The following CHSY3 variants were observed in gnomAD, a reference collection of about 807,000 sequenced individuals.
CHSY3 encodes the protein N-acetylgalactosaminyl-proteoglycan 3-beta-glucuronosyltransferase 3.
CHSY3 carries 35 observed loss-of-function variants against 67.2 expected under a neutral mutation model. The ratio of observed to expected loss-of-function variants is 0.52; its 90% CI spans 0.40 to 0.69. The LOEUF (loss-of-function observed/expected upper bound fraction) is 0.69. Among genes scored for constraint, CHSY3 ranks in the 30% least tolerant of loss-of-function variants. CHSY3 has a pLI of 0.00. For synonymous variants in CHSY3, 474 were observed against 434.7 expected, an observed-to-expected ratio of 1.09 and a Z score of -1.12; for missense variants, 1,069 against 1,138.5, an observed-to-expected ratio of 0.94 and a Z score of 0.88.
intron 2 of CHSY3, among the ~76,000 whole-genome samples, chr5:130,162,040 CA>C (rs371228605): frequency 3.1e-5 from 2 of 65,082 alleles, no homozygotes; most frequent in Admixed American, 1.8e-4. Flanking sequence ...GACCCTGTCT[CA>C]AAAAAAAAAA....
At position 129,923,140 on chromosome 5, in the gene CHSY3, T is replaced by G. The variant is rs1458416091; in HGVS notation, c.1086+14780T>G. Among the ~76,000 whole-genome samples the G allele has an allele frequency of 3.3e-5, 5 of 152,252 alleles. No homozygotes were observed. In the East Asian group the frequency reaches 9.7e-4, roughly 29 times the overall value. On this transcript the variant is annotated intron_variant, in intron 2 of 2. Transcript: ENST00000305031. ...TGGAAATGGAAGTGAGGAGATGGAC[T>G]TAAGAGCTAAGGAGGAGAGAGAATT...
rs1217280692 is a variant in CHSY3 at position 130,027,011 on chromosome 5, G to C, written c.1086+118651G>C. Among the ~76,000 whole-genome samples, 35 of 152,026 alleles carry C rather than the reference G, an allele frequency of 2.3e-4. 1 individual carries two copies. Among genetic ancestry groups the C allele is most frequent in the Admixed American group, 2.3e-3 (35 of 15,228 alleles). On this transcript the variant is annotated intron_variant, in intron 2 of 2. Coordinates refer to ENST00000305031, the MANE Select transcript of CHSY3 (RefSeq NM_175856.5). ...CTGTGTTTACAGCCATCATCACTAG[G>C]GTGTCGCAACCTCACGTGACTTGCC...
At chr5:129,980,977 C>A (rs976009883) in intron 2 of CHSY3, among the ~76,000 whole-genome samples, 1 of 147,792 alleles carries the variant, frequency 6.8e-6, no homozygotes, top group South Asian at 2.2e-4. Flanking sequence ...GAGGCCGAGG[C>A]GGGCGGATTA....
At chr5:130,121,565 T>C (rs994166501) in intron 2 of CHSY3, among the ~76,000 whole-genome samples, 1 of 152,192 alleles carries the variant, frequency 6.6e-6, no homozygotes, top group Non-Finnish European at 1.5e-5. Flanking sequence ...GAAACATAGA[T>C]ACTTGGGGCA....
intron 2 of CHSY3, among the ~76,000 whole-genome samples, chr5:130,061,455 G>A (rs1243833160): frequency 1.3e-5 from 2 of 152,104 alleles, no homozygotes; most frequent in African/African-American, 2.4e-5. Context: ...AAAAGTCACA[G>A]AAGAAAATCT....
chr5:130,165,771 A>G (rs971124979), intron 2 of CHSY3, among the ~76,000 whole-genome samples: 7 of 152,188 alleles, frequency 4.6e-5, no homozygotes, highest in African/African-American at 1.2e-4. Flanking sequence ...TGAGGTAGGT[A>G]TGGATCTAAA....
intron 2 of CHSY3, among the ~76,000 whole-genome samples, chr5:130,058,960 G>A (rs943131061): frequency 1.7e-4 from 26 of 152,126 alleles, no homozygotes; most frequent in African/African-American, 6.3e-4. Context: ...TGAGACACTT[G>A]TCTTTGAATT....
intron 2 of CHSY3, among the ~76,000 whole-genome samples, chr5:130,066,706 T>C: frequency 6.6e-6 from 1 of 152,110 alleles, no homozygotes; most frequent in Non-Finnish European, 1.5e-5. Flanking sequence ...CATTATGTAA[T>C]GTAACTTTTC....
chr5:130,072,777 C>G (rs1766125631), intron 2 of CHSY3, among the ~76,000 whole-genome samples: 1 of 152,070 alleles, frequency 6.6e-6, no homozygotes. Context: ...AATAATAATT[C>G]TTCCAATCTG....
At chr5:130,123,095 T>C (rs565597628) in intron 2 of CHSY3, among the ~76,000 whole-genome samples, 1 of 151,730 alleles carries the variant, frequency 6.6e-6, no homozygotes, top group South Asian at 2.1e-4. Context: ...AAACGCAAGT[T>C]AAATAGAGCC....
chr5:130,061,014 A>G (rs1269839757), intron 2 of CHSY3, among the ~76,000 whole-genome samples: 1 of 152,132 alleles, frequency 6.6e-6, no homozygotes, highest in Non-Finnish European at 1.5e-5. Flanking sequence ...GACTCAGTGA[A>G]ATCCCTCTAA....
intron 2 of CHSY3, among the ~76,000 whole-genome samples, chr5:130,018,442 G>A (rs1281230098): frequency 6.6e-6 from 1 of 152,186 alleles, no homozygotes; most frequent in East Asian, 1.9e-4. Context: ...CTTTGAAATG[G>A]TCCTAGTAAC....
intron 2 of CHSY3, among the ~76,000 whole-genome samples, chr5:130,124,798 C>G (rs537467068): frequency 6.6e-6 from 1 of 152,202 alleles, no homozygotes; most frequent in East Asian, 1.9e-4. Flanking sequence ...ACATGTATTC[C>G]TATGTAAAAT....
At chr5:130,013,803 T>C (rs10223282) in intron 2 of CHSY3, among the ~76,000 whole-genome samples, 80,755 of 152,092 alleles carry the variant, frequency 0.53, 21,867 homozygotes, top group East Asian at 0.61. Flanking sequence ...GTCTTGGTGA[T>C]TAATATTTGG....
Position 129,904,697 on chromosome 5 carries a change from G to A in CHSY3, c.-133G>A, listed in dbSNP as rs540577321. On this transcript the variant is annotated 5_prime_UTR_variant, in exon 1 of 3. Transcript: ENST00000305031. ...GTCCGCGGCGCTTCGACCTCCAGCC[G>A]GTGTCGGCGCCTAGGCGGCCGGCTG... is the stretch of plus-strand genomic sequence containing the variant. 27 of 1,208,202 alleles carry A rather than the reference G, an allele frequency of 2.2e-5. No individual in the cohort carries two copies. The highest frequency in any genetic ancestry group is 4.7e-5 in the African/African-American group (3 of 63,446). 74.8% of individuals were successfully genotyped at this position (1,208,202 alleles called of 1,614,324 possible). A position where few individuals can be genotyped will look rare whatever the true frequency, so the allele number is the denominator to read the frequency against.
At chr5:130,017,988 G>A (rs1479077675) in intron 2 of CHSY3, among the ~76,000 whole-genome samples, 2 of 152,092 alleles carry the variant, frequency 1.3e-5, no homozygotes, top group Non-Finnish European at 2.9e-5. Context: ...GTAACTGTTC[G>A]GTTTCTGTGC....
rs1369330984 is a variant in CHSY3 at position 130,143,798 on chromosome 5, ATATATATGTGTG to A, written c.1087-40423_1087-40412del. 2.2e-4 allele frequency among the ~76,000 whole-genome samples: 20 copies of A among 89,228 alleles called. 3 individuals are homozygous for A. The East Asian group carries it at 6.5e-3, about 29-fold the overall frequency. The allele number at this position is 89,228 out of a possible 152,430, so 58.5% of individuals were successfully genotyped here. A position where few individuals can be genotyped will look rare whatever the true frequency, so the allele number is the denominator to read the frequency against. On this transcript the variant is annotated intron_variant, in intron 2 of 2. Coordinates refer to ENST00000305031, the MANE Select transcript of CHSY3 (RefSeq NM_175856.5). Reference sequence around the variant, plus strand: ...TATATATATGTGTATATATATATATATATATATGTGTGTATATATATATATATATATATATAT... The same window carrying A: ...TATATATATGTGTATATATATATATATATATATATATATATATATATATAT...
rs149262250 is a variant in CHSY3 at position 129,930,205 on chromosome 5, T to C, written c.1086+21845T>C. Among the ~76,000 whole-genome samples the C allele has an allele frequency of 7.8e-4, 119 of 151,886 alleles. 1 individual carries two copies. The highest frequency in any genetic ancestry group is 2.8e-3 in the African/African-American group (114 of 41,450). ...AAAATTAGCCAGACATGGTGGCTCA[T>C]GCCTGTAATCCCAGCTACTCAGGAG... On this transcript the variant is annotated intron_variant, in intron 2 of 2. Transcript: ENST00000305031.
At chr5:130,178,011 T>C (rs929163103) in intron 2 of CHSY3, among the ~76,000 whole-genome samples, 3 of 151,410 alleles carry the variant, frequency 2.0e-5, no homozygotes, top group Non-Finnish European at 2.9e-5. Context: ...TTTTGCATTT[T>C]AAAATTTCTG....
Sources: gnomAD v4.1 joint callset for allele counts (sites outside exome capture counted in the v4.1 genomes callset) on GRCh38, gnomAD v4.1.1 for gene constraint, MANE v1.5 for transcripts, NCBI Gene and HGNC (gene_info 2026-07-23, HGNC 2026-07-21) for gene names.